Variants in C1QTNF3 observed in about 807,000 individuals in gnomAD.
The protein encoded by C1QTNF3 is complement C1q tumor necrosis factor-related protein 3.
C1QTNF3 carries 26 observed loss-of-function variants against 32.6 expected under a neutral mutation model. That is an observed-to-expected ratio of 0.80 (90% CI 0.58 to 1.11). C1QTNF3 has a LOEUF of 1.11. C1QTNF3 is among the 50% of genes least tolerant of loss of function. C1QTNF3 has a pLI of 0.00. For missense variants in C1QTNF3, 362 were observed against 398.2 expected (o/e 0.91, Z 0.77); for synonymous variants, 155 against 146.0 (o/e 1.06, Z -0.44).
chr5:34,167,700 A>G, the C1QTNF3 span: 16 of 152,312 alleles, frequency 1.1e-4, no homozygotes, highest in African/African-American at 3.4e-4. Flanking sequence ...TATACAACCC[A>G]AATGGGAAAA....
chr5:34,238,914 C>G, the C1QTNF3 span, among the ~76,000 whole-genome samples: 2 of 152,066 alleles, frequency 1.3e-5, no homozygotes, highest in African/African-American at 4.8e-5. Flanking sequence ...TTTCATACAG[C>G]AAGAACTCCA....
chr5:34,158,054 A>G, the C1QTNF3 span: 1 of 151,508 alleles, frequency 6.6e-6, no homozygotes, highest in Non-Finnish European at 1.5e-5. Flanking sequence ...AAAACAAAGT[A>G]TGGGAACTAA....
At chr5:34,218,174 TTTA>T in the C1QTNF3 span, 2 of 152,598 alleles carry the variant, frequency 1.3e-5, no homozygotes, top group South Asian at 2.1e-4. Context: ...ATATCGTTTA[TTTA>T]TTGTTTTATA....
the C1QTNF3 span, among the ~76,000 whole-genome samples, chr5:34,091,052 A>G: frequency 2.0e-5 from 3 of 152,200 alleles, no homozygotes; most frequent in Non-Finnish European, 4.4e-5. Flanking sequence ...GAAAATAAGC[A>G]TTGTGCTGGA....
At chr5:34,213,030 A>G in the C1QTNF3 span, among the ~76,000 whole-genome samples, 1 of 152,242 alleles carries the variant, frequency 6.6e-6, no homozygotes, top group African/African-American at 2.4e-5. Flanking sequence ...CTTCCCCACG[A>G]AAAAGAGAAA....
chr5:34,030,771 T>C (rs1754592184), intron 3 of C1QTNF3, among the ~76,000 whole-genome samples: 1 of 152,196 alleles, frequency 6.6e-6, no homozygotes, highest in African/African-American at 2.4e-5. Context: ...AATGACATCA[T>C]GTCCCTTGCA....
chr5:34,056,505 GAGAGAGAGAGA>G, the C1QTNF3 span, among the ~76,000 whole-genome samples: 1 of 139,158 alleles, frequency 7.2e-6, no homozygotes, highest in Non-Finnish European at 1.5e-5. Flanking sequence ...GAGAGAGAGA[GAGAGAGAGAGA>G]GAGAGAGAGA....
At chr5:34,213,710 A>ATATATATGTG in the C1QTNF3 span, among the ~76,000 whole-genome samples, 6 of 142,122 alleles carry the variant, frequency 4.2e-5, no homozygotes, top group African/African-American at 1.3e-4. Flanking sequence ...ATATATGTGT[A>ATATATATGTG]TATATATGTA....
At chr5:34,130,659 T>C in the C1QTNF3 span, among the ~76,000 whole-genome samples, 1 of 152,236 alleles carries the variant, frequency 6.6e-6, no homozygotes, top group East Asian at 1.9e-4. Context: ...TCTCCACCAG[T>C]TCTGTCTTTC....
At chr5:34,035,845 G>A in intron 1 of C1QTNF3, 87 bp from the exon 2 acceptor site, 1 of 965,592 alleles carries the variant, frequency 1.0e-6, no homozygotes, top group Non-Finnish European at 1.6e-6. Flanking sequence ...TGGCCCTTAG[G>A]TAAGCTTAAT....
At chr5:34,068,909 A>G in the C1QTNF3 span, among the ~76,000 whole-genome samples, 4 of 152,142 alleles carry the variant, frequency 2.6e-5, no homozygotes, top group Admixed American at 6.6e-5. Flanking sequence ...ATCCATGCAC[A>G]GTATCCCTTG....
chr5:34,127,243 G>A, the C1QTNF3 span, among the ~76,000 whole-genome samples: 2 of 152,030 alleles, frequency 1.3e-5, no homozygotes, highest in Non-Finnish European at 2.9e-5. Flanking sequence ...CTGGGTAACG[G>A]GCAGAGGTTG....
chr5:34,060,433 T>C, the C1QTNF3 span, among the ~76,000 whole-genome samples: 4 of 152,170 alleles, frequency 2.6e-5, no homozygotes, highest in African/African-American at 7.2e-5. Flanking sequence ...TATCTAAACA[T>C]ATAGAAACAC....
the C1QTNF3 span, among the ~76,000 whole-genome samples, chr5:34,141,340 G>C: frequency 6.6e-6 from 1 of 152,070 alleles, no homozygotes; most frequent in Non-Finnish European, 1.5e-5. Flanking sequence ...GGATAGTCTC[G>C]ATCTCCTGAC....
the C1QTNF3 span, among the ~76,000 whole-genome samples, chr5:34,104,816 C>A: frequency 6.7e-6 from 1 of 150,040 alleles, no homozygotes; most frequent in East Asian, 2.0e-4. Flanking sequence ...GGATTACAGG[C>A]GCAAGCCACC....
At chr5:34,174,196 T>G in the C1QTNF3 span, among the ~76,000 whole-genome samples, 1 of 152,202 alleles carries the variant, frequency 6.6e-6, no homozygotes, top group Non-Finnish European at 1.5e-5. Context: ...TAACTGGGAC[T>G]ACAGGTGCTC....
chr5:34,161,929 C>T, the C1QTNF3 span, among the ~76,000 whole-genome samples: 1 of 152,014 alleles, frequency 6.6e-6, no homozygotes, highest in African/African-American at 2.4e-5. Context: ...TTGGGTACAA[C>T]CATTTAATTT....
chr5:34,020,619 G>A lies in C1QTNF3; in HGVS notation c.924C>T (p.Ser308=), dbSNP rs761503535. Residue 308 remains serine, a synonymous_variant, in exon 6 of 6, where the codon TCC becomes TCT. Coordinates refer to ENST00000382065, the MANE Select transcript of C1QTNF3 (RefSeq NM_181435.6). ...GALHGDHQRF[S]TFAGFLLFET... is the part of the protein sequence containing the mutation. ...CAAAGAGCAGGAATCCTGCAAAGGTGGAGAAGCGTTGGTGGTCCCCATGGA... is the reference window on the plus strand; with the variant it reads ...CAAAGAGCAGGAATCCTGCAAAGGTAGAGAAGCGTTGGTGGTCCCCATGGA... 2.5e-6 allele frequency: 4 copies of A among 1,614,124 alleles called. No homozygotes were observed. In the African/African-American group the frequency reaches 5.3e-5, roughly 22 times the overall value.
chr5:34,056,625 AC>A, the C1QTNF3 span, among the ~76,000 whole-genome samples: 1 of 150,564 alleles, frequency 6.6e-6, no homozygotes, highest in African/African-American at 2.5e-5. Context: ...TGATCCTCCG[AC>A]CTCAGCTTCC....
Sources: allele counts gnomAD v4.1 joint callset (sites outside exome capture counted in the v4.1 genomes callset), GRCh38; gene constraint gnomAD v4.1.1; transcripts MANE v1.5; gene names NCBI Gene and HGNC (gene_info 2026-07-23, HGNC 2026-07-21).